The following WRNIP1 variants were observed in gnomAD, a reference collection of about 807,000 sequenced individuals.
The protein encoded by WRNIP1 is WRN helicase interacting protein 1, also known as ATPase WRNIP1.
In WRNIP1, 41 loss-of-function variants were observed where a neutral mutation model predicts 56.1. The ratio of observed to expected loss-of-function variants is 0.73; its 90% CI spans 0.57 to 0.95. The LOEUF is 0.95. Among genes scored for constraint, WRNIP1 ranks in the 40% least tolerant of loss-of-function variants. The pLI is 0.00. For missense variants in WRNIP1, 1,170 were observed against 939.4 expected, an observed-to-expected ratio of 1.25 and a Z score of -3.21; for synonymous variants, 547 against 398.1, an observed-to-expected ratio of 1.37 and a Z score of -4.45.
intron 1 of WRNIP1, among the ~76,000 whole-genome samples, chr6:2,767,778 A>C (rs969199491): frequency 8.5e-5 from 13 of 152,192 alleles, no homozygotes; most frequent in African/African-American, 3.1e-4. Context: ...ACCAAATGCC[A>C]GGCAAGAGGT....
intron 3 of WRNIP1, 107 bp from the exon 4 acceptor site, chr6:2,779,156 T>G: frequency 8.4e-7 from 1 of 1,189,770 alleles, no homozygotes; most frequent in Non-Finnish European, 1.2e-6. Context: ...GGCAAAGGCC[T>G]TGAACTCTTC....
intron 4 of WRNIP1, among the ~76,000 whole-genome samples, chr6:2,782,132 C>A (rs557806439): frequency 6.6e-6 from 1 of 152,254 alleles, no homozygotes; most frequent in African/African-American, 2.4e-5. Flanking sequence ...CCCTCTTCCC[C>A]GCCTTCCTCC....
At chr6:2,767,329 G>A (rs924353134) in intron 1 of WRNIP1, among the ~76,000 whole-genome samples, 15 of 152,256 alleles carry the variant, frequency 9.9e-5, no homozygotes, top group Non-Finnish European at 2.1e-4. Flanking sequence ...CATCAGGAAG[G>A]GAAAGGGAGA....
chr6:2,779,321 G>C lies in WRNIP1; in HGVS notation c.1315G>C (p.Asp439His), dbSNP rs1464511009. The C allele has an allele frequency of 5.0e-6, 8 of 1,614,108 alleles. No individual in the cohort carries two copies. The highest frequency in any genetic ancestry group is 1.3e-5 in the African/African-American group (1 of 74,936). ...CACCCTGGCTTACCTCAGTGACGGT[G>C]ACGCCCGAGCTGGGTTGAACGGACT... Reference protein sequence around the residue: ...VDTLAYLSDGDARAGLNGLQL... With the variant: ...VDTLAYLSDGHARAGLNGLQL... Residue 439 changes from aspartate to histidine, a missense_variant, in exon 4 of 7, where the codon GAC becomes CAC. Asp to His is a moderately conservative substitution (Grantham distance 81, BLOSUM62 -1). Coordinates refer to ENST00000380773, the MANE Select transcript of WRNIP1 (RefSeq NM_020135.3).
intron 4 of WRNIP1, 107 bp from the exon 5 acceptor site, chr6:2,783,299 A>C: frequency 1.6e-6 from 2 of 1,267,432 alleles, no homozygotes; most frequent in South Asian, 1.7e-5. Flanking sequence ...CGGCTTTCTC[A>C]GGGCCTTTAT....
chr6:2,772,876 G>C, intron 3 of WRNIP1: 1 of 769,826 alleles, frequency 1.3e-6, no homozygotes, highest in Non-Finnish European at 1.6e-6. Context: ...ATCAGATTTG[G>C]TGACACTAAT....
rs1018515306 is a variant in WRNIP1 at position 2,765,502 on chromosome 6, G to C, written c.-121G>C. ...CGGCGCCCTCCTCCGGCCCGCGAGC[G>C]TCCTGCTGGTTCCCCGAGCGAGGGT... On this transcript the variant is annotated 5_prime_UTR_variant, in exon 1 of 7. Transcript: ENST00000380773. 4.0e-6 allele frequency: 5 copies of C among 1,238,126 alleles called. No homozygotes were observed. The highest frequency in any genetic ancestry group is 3.1e-4 in the Middle Eastern group (1 of 3,210). The allele number at this position is 1,238,126 out of a possible 1,614,324, so 76.7% of individuals were successfully genotyped here. A position where few individuals can be genotyped will look rare whatever the true frequency, so the allele number is the denominator to read the frequency against.
chr6:2,781,774 A>G (rs1765566937), intron 4 of WRNIP1, among the ~76,000 whole-genome samples: 1 of 152,126 alleles, frequency 6.6e-6, no homozygotes, highest in African/African-American at 2.4e-5. Flanking sequence ...TCTATCACTG[A>G]TGCAAAAGAA....
chr6:2,784,460 C>T, intron 6 of WRNIP1, 57 bp downstream of exon 6: 1 of 1,548,636 alleles, frequency 6.5e-7, no homozygotes, highest in South Asian at 1.1e-5. Flanking sequence ...GTGCTCTGTC[C>T]CTTTGTAGAT....
At chr6:2,783,692 C>T (rs1204632231) in intron 5 of WRNIP1, 131 bp downstream of exon 5, 2 of 704,192 alleles carry the variant, frequency 2.8e-6, no homozygotes, top group Non-Finnish European at 4.1e-6. Flanking sequence ...AAGAATGTCT[C>T]AGGGCTATGT....
chr6:2,777,617 G>T (rs1765462606), intron 3 of WRNIP1, among the ~76,000 whole-genome samples: 1 of 152,176 alleles, frequency 6.6e-6, no homozygotes, highest in Non-Finnish European at 1.5e-5. Flanking sequence ...TTCCCTCTCA[G>T]GCATGTCACG....
At chr6:2,781,986 G>A (rs942399244) in intron 4 of WRNIP1, among the ~76,000 whole-genome samples, 1 of 152,238 alleles carries the variant, frequency 6.6e-6, no homozygotes, top group Non-Finnish European at 1.5e-5. Context: ...TATACTGGTG[G>A]TATTGCCCCT....
chr6:2,768,813 AAAG>A lies in WRNIP1; in HGVS notation c.947_949del (p.Lys316del), dbSNP rs761976928. The A allele has an allele frequency of 2.5e-6, 4 of 1,614,012 alleles. No individual in the cohort carries two copies. In the Admixed American group the frequency reaches 5.0e-5, roughly 20 times the overall value. ...ATGTCATAAAACAAGCTCAAAATGA[AAAG>A]AGCTTTTTCAAAAGGAAAACCATCC... On this transcript the variant is annotated inframe_deletion, in exon 2 of 7. Coordinates refer to ENST00000380773, the MANE Select transcript of WRNIP1 (RefSeq NM_020135.3).
intron 3 of WRNIP1, chr6:2,773,899 T>G: frequency 1.0e-6 from 1 of 985,242 alleles, no homozygotes; most frequent in Non-Finnish European, 1.2e-6. Context: ...AGACAGAAAG[T>G]GGCGTCTGTC....
intron 3 of WRNIP1, chr6:2,774,279 T>C (rs770823833): frequency 7.1e-6 from 7 of 985,440 alleles, no homozygotes; most frequent in Non-Finnish European, 8.4e-6. Context: ...ATGCACTTCC[T>C]GTGGCTGCTG....
chr6:2,782,038 G>A (rs1187218479), intron 4 of WRNIP1, among the ~76,000 whole-genome samples: 1 of 152,224 alleles, frequency 6.6e-6, no homozygotes, highest in Non-Finnish European at 1.5e-5. Flanking sequence ...CTGTGTAGGG[G>A]GAGTTTAAAT....
In WRNIP1 at chr6:2,779,504, A is replaced by G; in HGVS notation, c.1486+12A>G. 1.9e-6 allele frequency: 3 copies of G among 1,608,216 alleles called. No individual in the cohort carries two copies. Among genetic ancestry groups the G allele is most frequent in the Non-Finnish European group, 2.5e-6 (3 of 1,176,822 alleles). ...ATATGACCGGGCAGGTAAGTAATTC[A>G]CCTGTGGAAAGAGTGAAACCATACG... On this transcript the variant is annotated intron_variant, in intron 4 of 6. Transcript: ENST00000380773.
At chr6:2,784,705 C>CCA (rs1765667435) in intron 6 of WRNIP1, among the ~76,000 whole-genome samples, 1 of 152,062 alleles carries the variant, frequency 6.6e-6, no homozygotes, top group Non-Finnish European at 1.5e-5. Flanking sequence ...AGTTCGCCCC[C>CCA]AGAGCAGCTT....
At position 2,779,177 on chromosome 6, in the gene WRNIP1, C is replaced by T. The variant is rs905863361; in HGVS notation, c.1257-86C>T. 1.2e-5 allele frequency: 16 copies of T among 1,388,642 alleles called. No homozygotes were observed. In the East Asian group the frequency reaches 3.5e-4, roughly 30 times the overall value. The allele number at this position is 1,388,642 out of a possible 1,614,324, so 86.0% of individuals were successfully genotyped here. On this transcript the variant is annotated intron_variant, in intron 3 of 6. Transcript: ENST00000380773. ...GGCCTTGAACTCTTCAGTGTCCTTGCTGAGAAGTATGAGTTTCTAAGACAT... is the reference window on the plus strand; with the variant it reads ...GGCCTTGAACTCTTCAGTGTCCTTGTTGAGAAGTATGAGTTTCTAAGACAT...
Sources: allele counts gnomAD v4.1 joint callset (sites outside exome capture counted in the v4.1 genomes callset), GRCh38; gene constraint gnomAD v4.1.1; transcripts MANE v1.5; gene names NCBI Gene and HGNC (gene_info 2026-07-23, HGNC 2026-07-21).